Variants in COL24A1 observed in about 807,000 individuals in gnomAD.
COL24A1 encodes the protein collagen alpha-1(XXIV) chain.
A neutral mutation model predicts 253.9 loss-of-function variants in COL24A1; 224 were observed. That is an observed-to-expected ratio of 0.88 (90% CI 0.79 to 0.99). COL24A1 has a LOEUF of 0.99. Among genes scored for constraint, COL24A1 ranks in the 50% least tolerant of loss-of-function variants. The pLI is 0.00. For missense variants in COL24A1, 2,131 were observed against 2,068.5 expected (o/e 1.03, Z -0.59); for synonymous variants, 685 against 673.7 (o/e 1.02, Z -0.26).
chr1:86,028,631 G>A (rs1434149970), intron 14 of COL24A1, among the ~76,000 whole-genome samples: 2 of 152,194 alleles, frequency 1.3e-5, no homozygotes, highest in Non-Finnish European at 2.9e-5. Context: ...GCAGTCTCAG[G>A]TATTTCTTCA....
At chr1:85,858,379 AG>A (rs1678696248) in intron 37 of COL24A1, among the ~76,000 whole-genome samples, 1 of 150,746 alleles carries the variant, frequency 6.6e-6, no homozygotes, top group Admixed American at 6.6e-5. Context: ...ATCTAGATAC[AG>A]GGCTCTTTTT....
In COL24A1 at chr1:85,885,393, A is replaced by ATT. The variant is rs202227831; in HGVS notation, c.2976+4166_2976+4167insAA. Among the ~76,000 whole-genome samples, 90 of 116,462 alleles carry ATT rather than the reference A, an allele frequency of 7.7e-4. 1 individual carries two copies. Among genetic ancestry groups the ATT allele is most frequent in the South Asian group, 1.2e-3 (5 of 4,190 alleles). The allele number at this position is 116,462 out of a possible 152,430, so 76.4% of individuals were successfully genotyped here. On this transcript the variant is annotated intron_variant, in intron 32 of 59. Transcript: ENST00000370571. ...TTTTTGTGTGTATATATATATATAT[A>ATT]TATATTTTTTTTTTAAGTAGAAACT...
chr1:85,836,365 T>A (rs903846447), intron 43 of COL24A1, among the ~76,000 whole-genome samples: 3 of 152,228 alleles, frequency 2.0e-5, no homozygotes, highest in Non-Finnish European at 2.9e-5. Flanking sequence ...ATTGTAAAGT[T>A]TAAAATGGTT....
At chr1:86,066,231 C>CTTTTTTTT (rs71078637) in intron 7 of COL24A1, among the ~76,000 whole-genome samples, 4 of 85,544 alleles carry the variant, frequency 4.7e-5, no homozygotes, top group Admixed American at 1.6e-4. Flanking sequence ...CCTAAGTCTC[C>CTTTTTTTT]TTTTTTTTTT....
At chr1:85,786,276 C>G (rs1417886642) in intron 48 of COL24A1, 78 bp downstream of exon 48, 1 of 1,225,804 alleles carries the variant, frequency 8.2e-7, no homozygotes, top group Non-Finnish European at 1.2e-6. Context: ...TCTTACCATT[C>G]TGTGATCTAG....
chr1:85,873,877 T>A (rs1680835126), intron 35 of COL24A1, among the ~76,000 whole-genome samples: 1 of 151,932 alleles, frequency 6.6e-6, no homozygotes, highest in Admixed American at 6.6e-5. Context: ...GTCTTTTAGA[T>A]ATGGAACTTG....
At chr1:85,949,627 T>C (rs547575039) in intron 24 of COL24A1, among the ~76,000 whole-genome samples, 3 of 152,274 alleles carry the variant, frequency 2.0e-5, no homozygotes, top group East Asian at 3.9e-4. Flanking sequence ...TTCCCCTTCA[T>C]TGCTGCCCAA....
intron 5 of COL24A1, among the ~76,000 whole-genome samples, chr1:86,104,903 G>A (rs1704811831): frequency 6.6e-6 from 1 of 152,236 alleles, no homozygotes; most frequent in African/African-American, 2.4e-5. Flanking sequence ...GGTGCTGAGA[G>A]ACCAGCCTCC....
intron 57 of COL24A1, among the ~76,000 whole-genome samples, chr1:85,740,831 C>T (rs1377226981): frequency 1.3e-5 from 2 of 149,470 alleles, no homozygotes; most frequent in African/African-American, 4.9e-5. Flanking sequence ...ATCCTAAGGC[C>T]GGGCACGGTG....
At chr1:85,769,795 C>A (rs1022506070) in intron 53 of COL24A1, among the ~76,000 whole-genome samples, 4 of 152,180 alleles carry the variant, frequency 2.6e-5, no homozygotes, top group Admixed American at 6.6e-5. Flanking sequence ...TTGGGGATAG[C>A]ATGACTGGTA....
At chr1:85,981,358 C>T (rs1036244038) in intron 20 of COL24A1, among the ~76,000 whole-genome samples, 18 of 152,146 alleles carry the variant, frequency 1.2e-4, no homozygotes, top group Non-Finnish European at 1.0e-4. Flanking sequence ...GCTAACTAAT[C>T]TTCAACAAAG....
chr1:85,782,610 T>A (rs1048319179), intron 51 of COL24A1, among the ~76,000 whole-genome samples: 5 of 152,234 alleles, frequency 3.3e-5, no homozygotes, highest in Non-Finnish European at 7.3e-5. Flanking sequence ...AAAACCTTTT[T>A]GCATTATTGA....
At chr1:85,778,198 A>G (rs1305505831) in intron 52 of COL24A1, among the ~76,000 whole-genome samples, 1 of 151,522 alleles carries the variant, frequency 6.6e-6, no homozygotes, top group African/African-American at 2.4e-5. Flanking sequence ...CAACTTCCTC[A>G]GATCAAGTGG....
rs547766056 is a variant in COL24A1, at chr1:86,083,931, ACT to A, written c.1707+5241_1707+5242del. ...TAAATCCATATATTTTCCCTTAGCC[ACT>A]GTTACTGCATTGTTGTCTAAAAGCC... On this transcript the variant is annotated intron_variant, in intron 7 of 59. Transcript: ENST00000370571. Among the ~76,000 whole-genome samples the A allele has an allele frequency of 1.7e-3, 265 of 152,280 alleles. 1 individual carries two copies. The highest frequency in any genetic ancestry group is 6.1e-3 in the African/African-American group (254 of 41,554).
At chr1:85,944,357 ATATG>A (rs1689035055) in intron 24 of COL24A1, among the ~76,000 whole-genome samples, 2 of 152,234 alleles carry the variant, frequency 1.3e-5, no homozygotes, top group African/African-American at 4.8e-5. Flanking sequence ...GCTTGCAAAA[ATATG>A]TATGTTATCA....
chr1:86,032,001 C>G, intron 13 of COL24A1, 79 bp from the exon 14 acceptor site: 1 of 1,168,688 alleles, frequency 8.6e-7, no homozygotes, highest in Non-Finnish European at 1.2e-6. Flanking sequence ...AAACACAAAA[C>G]TTTCTAGCTA....
At chr1:85,876,993 G>C (rs1681248344) in intron 33 of COL24A1, 129 bp downstream of exon 33, 1 of 589,004 alleles carries the variant, frequency 1.7e-6, no homozygotes, top group African/African-American at 2.0e-5. Context: ...TGGAATTTTA[G>C]TTTTTTTCTG....
intron 5 of COL24A1, among the ~76,000 whole-genome samples, chr1:86,109,272 CCTCT>C (rs1457659327): frequency 5.4e-5 from 8 of 149,360 alleles, no homozygotes; most frequent in Non-Finnish European, 1.0e-4. Flanking sequence ...AGTCGTTTTT[CCTCT>C]CTGAGGCACT....
intron 24 of COL24A1, among the ~76,000 whole-genome samples, chr1:85,959,991 C>T (rs1479580464): frequency 6.6e-6 from 1 of 152,234 alleles, no homozygotes; most frequent in East Asian, 1.9e-4. Context: ...CATACAAATA[C>T]TTCCTTGAAA....
Sources: gnomAD v4.1 joint callset for allele counts (sites outside exome capture counted in the v4.1 genomes callset) on GRCh38, gnomAD v4.1.1 for gene constraint, MANE v1.5 for transcripts, NCBI Gene and HGNC (gene_info 2026-07-23, HGNC 2026-07-21) for gene names.